PLPP4: variants seen among roughly 807,000 people sequenced by gnomAD.
PLPP4 encodes phospholipid phosphatase 4, also known as diacylglycerol pyrophosphate like 2.
In PLPP4, 20 loss-of-function variants were observed where a neutral mutation model predicts 32.2. That is an observed-to-expected ratio of 0.62 (90% confidence interval 0.44 to 0.90). The LOEUF (loss-of-function observed/expected upper bound fraction) is 0.90, where lower values mean the gene tolerates loss of function less well. Among genes scored for constraint, PLPP4 ranks in the 40% least tolerant of loss-of-function variants. PLPP4 has a pLI of 0.00. For missense variants in PLPP4, 257 were observed against 353.1 expected (o/e 0.73, Z 2.18); for synonymous variants, 127 against 133.0 (o/e 0.95, Z 0.31).
intron 1 of PLPP4, among the ~76,000 whole-genome samples, chr10:120,461,864 C>T (rs982227924): frequency 4.6e-5 from 7 of 152,308 alleles, no homozygotes; most frequent in Non-Finnish European, 8.8e-5. Flanking sequence ...TTCATTGGTA[C>T]GCTTTGATTG....
chr10:120,563,254 A>C (rs1422304123), intron 5 of PLPP4, among the ~76,000 whole-genome samples: 1 of 151,406 alleles, frequency 6.6e-6, no homozygotes, highest in Non-Finnish European at 1.5e-5. Context: ...ACCAAACCAA[A>C]CAAACAAACA....
At chr10:120,484,978 G>A (rs1171168616) in intron 1 of PLPP4, among the ~76,000 whole-genome samples, 1 of 152,316 alleles carries the variant, frequency 6.6e-6, no homozygotes, top group East Asian at 1.9e-4. Context: ...ACCTGCCATT[G>A]CTAGCTTTGA....
chr10:120,535,794 A>G (rs1325190807), intron 5 of PLPP4, among the ~76,000 whole-genome samples: 1 of 152,112 alleles, frequency 6.6e-6, no homozygotes, highest in Admixed American at 6.5e-5. Flanking sequence ...AAACCTTTTA[A>G]TAACAGAGTT....
intron 1 of PLPP4, among the ~76,000 whole-genome samples, chr10:120,480,588 C>T (rs1410409915): frequency 2.0e-5 from 3 of 152,246 alleles, no homozygotes; most frequent in Non-Finnish European, 2.9e-5. Flanking sequence ...CGGCAGCTCA[C>T]TTCAGCAGAG....
At chr10:120,536,760 AGAC>A (rs763345638) in intron 5 of PLPP4, among the ~76,000 whole-genome samples, 1 of 152,170 alleles carries the variant, frequency 6.6e-6, no homozygotes, top group East Asian at 1.9e-4. Flanking sequence ...CAAAATGAAA[AGAC>A]AACCTTGAAA....
chr10:120,588,999 T>C (rs138026630), intron 6 of PLPP4, among the ~76,000 whole-genome samples: 69 of 152,270 alleles, frequency 4.5e-4, no homozygotes, highest in African/African-American at 1.6e-3. Flanking sequence ...TGAGGCGAGA[T>C]TGCAGCACTG....
intron 5 of PLPP4, among the ~76,000 whole-genome samples, chr10:120,524,270 T>G (rs1846293751): frequency 6.6e-6 from 1 of 152,208 alleles, no homozygotes; most frequent in African/African-American, 2.4e-5. Context: ...GATTTCTTAG[T>G]AGCTAATAAG....
chr10:120,543,314 A>G (rs932803), intron 5 of PLPP4, among the ~76,000 whole-genome samples: 151,168 of 152,298 alleles, frequency 0.99, 75,035 homozygotes, highest in East Asian at 1. Flanking sequence ...CAGAGGAGGG[A>G]CAGAGCCCAG....
intron 6 of PLPP4, among the ~76,000 whole-genome samples, chr10:120,579,749 A>C (rs897528651): frequency 2.0e-5 from 3 of 152,078 alleles, no homozygotes; most frequent in Admixed American, 2.0e-4. Flanking sequence ...TCCATGTGAC[A>C]GAGCCATTAC....
intron 5 of PLPP4, among the ~76,000 whole-genome samples, chr10:120,537,417 G>A (rs568245127): frequency 1.5e-4 from 23 of 152,258 alleles, no homozygotes; most frequent in African/African-American, 4.3e-4. Context: ...AGGACATTAC[G>A]CTAAGCGAAA....
At position 120,512,010 on chromosome 10, in the gene PLPP4, C is replaced by T. The variant is rs1156329955; in HGVS notation, c.166-1901C>T. The stretch of plus-strand genomic sequence containing the variant: ...TTGGGAGGCTGAGGCAGGAGAATGG[C>T]GTGAACCCAGGAGGCAGAGCTTGCA... On this transcript the variant is annotated intron_variant, in intron 2 of 6. Coordinates refer to ENST00000398250, the MANE Select transcript of PLPP4 (RefSeq NM_001030059.3). Among the ~76,000 whole-genome samples, 7 of 152,062 alleles carry T rather than the reference C, an allele frequency of 4.6e-5. No individual in the cohort carries two copies. In the South Asian group the frequency reaches 8.3e-4, roughly 18 times the overall value.
intron 5 of PLPP4, among the ~76,000 whole-genome samples, chr10:120,557,296 T>C (rs1276201868): frequency 6.6e-6 from 1 of 152,202 alleles, no homozygotes; most frequent in African/African-American, 2.4e-5. Flanking sequence ...CTGGCCAGTT[T>C]CATTTATTCT....
chr10:120,552,165 GGTGTGTGTGTGTGTGT>G (rs58426120), intron 5 of PLPP4, among the ~76,000 whole-genome samples: 48 of 138,634 alleles, frequency 3.5e-4, no homozygotes, highest in African/African-American at 7.8e-4. Flanking sequence ...GTGGTGGTGG[GGTGTGTGTGTGTGTGT>G]GTGTGTGTGT....
At chr10:120,579,357 T>G (rs2134066514) in intron 6 of PLPP4, among the ~76,000 whole-genome samples, 1 of 152,196 alleles carries the variant, frequency 6.6e-6, no homozygotes, top group Admixed American at 6.5e-5. Context: ...CAGACTAAGG[T>G]TGGAAAGCGT....
At position 120,559,619 on chromosome 10, in the gene PLPP4, AT is replaced by A. The variant is rs112111375; in HGVS notation, c.446-15502del. Among the ~76,000 whole-genome samples the A allele has an allele frequency of 4.7e-3, 707 of 149,072 alleles. 11 individuals are homozygous for A. Among genetic ancestry groups the A allele is most frequent in the African/African-American group, 8.9e-3 (360 of 40,542 alleles). The stretch of plus-strand genomic sequence containing the variant: ...ACTGTGAGGGTGCACTTATATGTGG[AT>A]TTTTTTTTTCAATGAATATATTGAA... On this transcript the variant is annotated intron_variant, in intron 5 of 6. Transcript: ENST00000398250.
At chr10:120,580,950 C>A (rs781623433) in intron 6 of PLPP4, 3 of 1,289,296 alleles carry the variant, frequency 2.3e-6, no homozygotes, top group South Asian at 1.2e-5. Context: ...CGGCTGCCAA[C>A]CCCCGCCTCT....
intron 1 of PLPP4, among the ~76,000 whole-genome samples, chr10:120,494,541 C>T (rs1342266368): frequency 2.6e-5 from 4 of 152,194 alleles, no homozygotes; most frequent in Non-Finnish European, 5.9e-5. Flanking sequence ...TCAGTCTTTG[C>T]ATCTGAGTTG....
intron 1 of PLPP4, among the ~76,000 whole-genome samples, chr10:120,485,122 C>A (rs757997601): frequency 6.6e-6 from 1 of 152,240 alleles, no homozygotes; most frequent in Non-Finnish European, 1.5e-5. Context: ...CCAGGGAGAT[C>A]TGCATCAGAC....
chr10:120,582,772 TTCCTC>T (rs1564857314), intron 6 of PLPP4, among the ~76,000 whole-genome samples: 589 of 28,460 alleles, frequency 0.021, 8 homozygotes, highest in African/African-American at 0.073. Flanking sequence ...CCTCCCTCCC[TTCCTC>T]CCTCCCTCCC....
Sources: gnomAD v4.1 joint callset for allele counts (sites outside exome capture counted in the v4.1 genomes callset) on GRCh38, gnomAD v4.1.1 for gene constraint, MANE v1.5 for transcripts, NCBI Gene and HGNC (gene_info 2026-07-23, HGNC 2026-07-21) for gene names.